Variants in CPXM2 observed in about 807,000 individuals in gnomAD.
CPXM2 encodes the protein inactive carboxypeptidase-like protein X2.
In CPXM2, 66 loss-of-function variants were observed where a neutral mutation model predicts 86.1. That is an observed-to-expected ratio of 0.77 (90% CI 0.63 to 0.94). CPXM2 has a LOEUF of 0.94. CPXM2 is among the 40% of genes least tolerant of loss of function. The pLI is 0.00. For synonymous variants in CPXM2, 388 were observed against 400.2 expected, an observed-to-expected ratio of 0.97 and a Z score of 0.36; for missense variants, 948 against 1,026.3, an observed-to-expected ratio of 0.92 and a Z score of 1.04.
chr10:123,787,037 G>T (rs1027057792), intron 6 of CPXM2, among the ~76,000 whole-genome samples: 2 of 152,104 alleles, frequency 1.3e-5, no homozygotes, highest in African/African-American at 4.8e-5. Context: ...ACACCCTCCA[G>T]CTGGCCCAAA....
intron 6 of CPXM2, among the ~76,000 whole-genome samples, chr10:123,787,884 C>T (rs1158269247): frequency 1.3e-5 from 2 of 152,094 alleles, no homozygotes; most frequent in African/African-American, 4.8e-5. Flanking sequence ...GTGATTACTC[C>T]GGGTTTGTAG....
At chr10:123,870,632 C>G (rs1590086047) in intron 2 of CPXM2, among the ~76,000 whole-genome samples, 1 of 152,200 alleles carries the variant, frequency 6.6e-6, no homozygotes, top group East Asian at 1.9e-4. Context: ...GACAGGGCCT[C>G]TCTCTGGGTC....
At chr10:123,793,323 G>A (rs1847249730) in intron 6 of CPXM2, among the ~76,000 whole-genome samples, 1 of 152,046 alleles carries the variant, frequency 6.6e-6, no homozygotes, top group African/African-American at 2.4e-5. Context: ...AATTAGCCGG[G>A]TGTGGTGGCG....
upstream of CPXM2, among the ~76,000 whole-genome samples, chr10:123,894,123 A>G (rs968312455): frequency 6.6e-6 from 1 of 152,240 alleles, no homozygotes; most frequent in Non-Finnish European, 1.5e-5. Context: ...CAAGCTAGTG[A>G]TGGCCAGGAC....
At chr10:123,904,178 A>C (rs1205426212) in intron 2 of CPXM2, among the ~76,000 whole-genome samples, 1 of 152,208 alleles carries the variant, frequency 6.6e-6, no homozygotes, top group African/African-American at 2.4e-5. Flanking sequence ...ACTTCCTCGG[A>C]GACCCCTTTC....
intron 4 of CPXM2, among the ~76,000 whole-genome samples, chr10:123,807,254 A>T (rs574785175): frequency 6.6e-6 from 1 of 151,888 alleles, no homozygotes; most frequent in South Asian, 2.1e-4. Flanking sequence ...GGATCTTCAC[A>T]TTTACCCCTT....
Position 123,832,805 on chromosome 10 carries a change from C to T in CPXM2, c.653+9544G>A, listed in dbSNP as rs534107446. ...TCGTGCCATTGCACTCTAGCCTGGG[C>T]AACAAGAGCAAAACTCTGTCTAAAA... On this transcript the variant is annotated intron_variant, in intron 4 of 13. Transcript: ENST00000241305. Among the ~76,000 whole-genome samples the T allele has an allele frequency of 6.5e-5, 8 of 122,500 alleles. No homozygotes were observed. The East Asian group carries it at 1.9e-3, about 30-fold the overall frequency. 80.4% of individuals were successfully genotyped at this position (122,500 alleles called of 152,430 possible).
chr10:123,917,766 C>T (rs1222932456), intron 2 of CPXM2, among the ~76,000 whole-genome samples: 3 of 152,202 alleles, frequency 2.0e-5, no homozygotes, highest in Non-Finnish European at 4.4e-5. Flanking sequence ...GCCAGCTTTT[C>T]AGGACTGAGA....
chr10:123,835,409 G>C (rs1848257737), intron 4 of CPXM2, among the ~76,000 whole-genome samples: 1 of 152,132 alleles, frequency 6.6e-6, no homozygotes, highest in South Asian at 2.1e-4. Context: ...CCTTGTGAAA[G>C]CTTTATTTAA....
upstream of CPXM2, among the ~76,000 whole-genome samples, chr10:123,892,483 G>C (rs1303942030): frequency 2.0e-5 from 3 of 152,206 alleles, no homozygotes; most frequent in Non-Finnish European, 2.9e-5. Context: ...TCCTGCTTTG[G>C]ACAACTCTGC....
chr10:123,786,901 C>T (rs934639321), intron 6 of CPXM2, among the ~76,000 whole-genome samples: 5 of 152,200 alleles, frequency 3.3e-5, no homozygotes, highest in Non-Finnish European at 5.9e-5. Flanking sequence ...CCAAGGATGT[C>T]ATCATTTGCC....
chr10:123,847,731 G>C (rs1848525736), intron 3 of CPXM2, among the ~76,000 whole-genome samples: 1 of 152,048 alleles, frequency 6.6e-6, no homozygotes, highest in African/African-American at 2.4e-5. Flanking sequence ...AGATATAGAG[G>C]GTGACTGATA....
At chr10:123,887,622 A>C (rs183096073) in intron 1 of CPXM2, among the ~76,000 whole-genome samples, 1 of 152,170 alleles carries the variant, frequency 6.6e-6, no homozygotes, top group East Asian at 1.9e-4. Flanking sequence ...ACTGGCATCC[A>C]ATTTGGAGTC....
At chr10:123,795,840 C>T (rs899091667) in intron 6 of CPXM2, among the ~76,000 whole-genome samples, 2 of 152,182 alleles carry the variant, frequency 1.3e-5, no homozygotes, top group African/African-American at 4.8e-5. Context: ...CAAACACGCA[C>T]ACACCAAGAA....
At chr10:123,796,833 T>C (rs10902815) in intron 6 of CPXM2, among the ~76,000 whole-genome samples, 103,535 of 152,110 alleles carry the variant, frequency 0.68, 37,022 homozygotes, top group African/African-American at 0.89. Flanking sequence ...GGGGGATGAG[T>C]GACGACTGTG....
chr10:123,787,914 T>C (rs1252035073), intron 6 of CPXM2, among the ~76,000 whole-genome samples: 2 of 151,880 alleles, frequency 1.3e-5, no homozygotes, highest in Non-Finnish European at 2.9e-5. Flanking sequence ...TTCTAAGAGA[T>C]GGTTTAATTA....
chr10:123,790,831 A>C (rs1195575343), intron 6 of CPXM2, among the ~76,000 whole-genome samples: 1 of 152,142 alleles, frequency 6.6e-6, no homozygotes, highest in Admixed American at 6.5e-5. Flanking sequence ...TGAGTAAATG[A>C]ATGAATGGAT....
At chr10:123,827,640 C>CAAATGT (rs1848075415) in intron 4 of CPXM2, among the ~76,000 whole-genome samples, 2 of 152,146 alleles carry the variant, frequency 1.3e-5, no homozygotes, top group East Asian at 3.8e-4. Flanking sequence ...ATGCTATCTA[C>CAAATGT]AAATGTACAC....
chr10:123,772,316 C>T (rs1459486789), intron 7 of CPXM2, among the ~76,000 whole-genome samples: 6 of 151,758 alleles, frequency 4.0e-5, no homozygotes, highest in Non-Finnish European at 8.8e-5. Flanking sequence ...CACCACCTCC[C>T]TGGTCATGGT....
Sources: gnomAD v4.1 joint callset for allele counts (sites outside exome capture counted in the v4.1 genomes callset) on GRCh38, gnomAD v4.1.1 for gene constraint, MANE v1.5 for transcripts, NCBI Gene and HGNC (gene_info 2026-07-23, HGNC 2026-07-21) for gene names.